Variants in ATP2B2 observed in about 807,000 individuals in gnomAD.
ATP2B2 encodes ATPase plasma membrane Ca2+ transporting 2.
A neutral mutation model predicts 120.0 loss-of-function variants in ATP2B2; 15 were observed. That is an observed-to-expected ratio of 0.12 (90% CI 0.08 to 0.19). ATP2B2 has a LOEUF of 0.19. ATP2B2 is among the 10% of genes least tolerant of loss of function. The probability of loss-of-function intolerance (pLI) is 1.00; values close to 1 mark genes in which losing one functional copy is unlikely to be tolerated. For missense variants in ATP2B2, 1,045 were observed against 1,719.8 expected, an observed-to-expected ratio of 0.61 and a Z score of 6.94; for synonymous variants, 694 against 700.3, an observed-to-expected ratio of 0.99 and a Z score of 0.14.
intron 2 of ATP2B2, among the ~76,000 whole-genome samples, chr3:10,564,079 G>A (rs2067958384): frequency 6.6e-6 from 1 of 152,164 alleles, no homozygotes; most frequent in African/African-American, 2.4e-5. Flanking sequence ...AAACTTCAGG[G>A]TACAACCAGA....
chr3:10,439,860 A>T (rs922935255), intron 2 of ATP2B2, among the ~76,000 whole-genome samples: 6 of 151,628 alleles, frequency 4.0e-5, no homozygotes, highest in African/African-American at 1.2e-4. Flanking sequence ...GGTTCAAGTG[A>T]TTCTTGTGCC....
chr3:10,563,506 T>C (rs997488897), intron 2 of ATP2B2, among the ~76,000 whole-genome samples: 5 of 152,238 alleles, frequency 3.3e-5, no homozygotes, highest in Non-Finnish European at 5.9e-5. Context: ...TGGTTTGGGG[T>C]TGACGTGTAA....
At chr3:10,601,100 C>T (rs562587476) in intron 2 of ATP2B2, among the ~76,000 whole-genome samples, 1 of 152,300 alleles carries the variant, frequency 6.6e-6, no homozygotes, top group East Asian at 1.9e-4. Context: ...GCCTTGCGGG[C>T]TTGCCCTGCT....
chr3:10,507,247 C>T (rs1015690372), upstream of ATP2B2, among the ~76,000 whole-genome samples: 2 of 152,178 alleles, frequency 1.3e-5, no homozygotes, highest in African/African-American at 4.8e-5. Flanking sequence ...GCTCTCGACC[C>T]CACACCAATA....
At chr3:10,657,249 A>C (rs2070656281) in intron 1 of ATP2B2, among the ~76,000 whole-genome samples, 1 of 152,194 alleles carries the variant, frequency 6.6e-6, no homozygotes, top group Non-Finnish European at 1.5e-5. Flanking sequence ...AGTGCCTTTT[A>C]CACCCCTGTG....
Position 10,325,690 on chromosome 3 carries a change from G to A in ATP2B2, c.*3124C>T, listed in dbSNP as rs2059846147. On this transcript the variant is annotated 3_prime_UTR_variant, in exon 23 of 23. Transcript: ENST00000360273. Reference sequence around the variant, plus strand: ...GGAGGCTGCTCCTGAGTTAAAGAAAGCTCCGCCTGAGTTGCAAGAAGGAAA... The same window carrying A: ...GGAGGCTGCTCCTGAGTTAAAGAAAACTCCGCCTGAGTTGCAAGAAGGAAA... The A allele has an allele frequency of 6.6e-6, 1 of 152,212 alleles. No homozygotes were observed. The highest frequency in any genetic ancestry group is 2.4e-5 in the African/African-American group (1 of 41,450). The allele number at this position is 152,212 out of a possible 1,614,324, so 9.4% of individuals were successfully genotyped here.
In ATP2B2 at chr3:10,590,631, A is replaced by C. The variant is rs572735267; in HGVS notation, c.-415+29286T>G. Among the ~76,000 whole-genome samples the C allele has an allele frequency of 1.6e-4, 25 of 152,312 alleles. 1 individual carries two copies. In the South Asian group the frequency reaches 5.2e-3, roughly 32 times the overall value. ...CTTGGATTCACTCTGCGTCGTTCTT[A>C]GTGGAAGACTGCTCTCAGTGGCCAC... On this transcript the variant is annotated intron_variant, in intron 2 of 21. Coordinates refer to the ATP2B2 transcript ENST00000646379.
At chr3:10,668,868 G>A (rs1431043315) in intron 1 of ATP2B2, among the ~76,000 whole-genome samples, 1 of 152,178 alleles carries the variant, frequency 6.6e-6, no homozygotes, top group Non-Finnish European at 1.5e-5. Context: ...GCATACAGTA[G>A]GCAGCACACA....
chr3:10,417,743 T>C (rs2062837999), intron 2 of ATP2B2, among the ~76,000 whole-genome samples: 1 of 152,168 alleles, frequency 6.6e-6, no homozygotes, highest in Admixed American at 6.5e-5. Context: ...AAGGATCGCC[T>C]GGCAGAAGTG....
intron 2 of ATP2B2, among the ~76,000 whole-genome samples, chr3:10,543,620 TTTGTTA>T: frequency 1.3e-5 from 2 of 152,330 alleles, no homozygotes; most frequent in Middle Eastern, 6.8e-3. Context: ...CCACAATAGA[TTTGTTA>T]TTGTTGTTTT....
intron 1 of ATP2B2, among the ~76,000 whole-genome samples, chr3:10,642,581 G>A (rs2070202806): frequency 6.6e-6 from 1 of 151,854 alleles, no homozygotes; most frequent in Non-Finnish European, 1.5e-5. Context: ...TCAGAGCTCT[G>A]TGCTCACATA....
intron 1 of ATP2B2, among the ~76,000 whole-genome samples, chr3:10,629,684 C>T (rs535053554): frequency 2.0e-5 from 3 of 152,322 alleles, no homozygotes; most frequent in South Asian, 4.1e-4. Flanking sequence ...AGTCCAGCTC[C>T]ACTGCCCAAG....
chr3:10,389,304 A>G (rs2061776026), intron 5 of ATP2B2, among the ~76,000 whole-genome samples: 1 of 152,226 alleles, frequency 6.6e-6, no homozygotes, highest in Non-Finnish European at 1.5e-5. Context: ...CAGCCTCTCC[A>G]CCATGCAGGC....
chr3:10,487,451 T>C lies in ATP2B2; in HGVS notation c.-320+18014A>G, dbSNP rs551168449. Reference sequence around the variant, plus strand: ...CTTACCTTAGGATCTCCACTGAGGCTGTGGGAAGTCAAGGTCACTGGCAAG... The same window carrying C: ...CTTACCTTAGGATCTCCACTGAGGCCGTGGGAAGTCAAGGTCACTGGCAAG... On this transcript the variant is annotated intron_variant, in intron 1 of 22. Coordinates refer to ENST00000360273, the MANE Select transcript of ATP2B2 (RefSeq NM_001001331.4). Among the ~76,000 whole-genome samples, 8 of 152,330 alleles carry C rather than the reference T, an allele frequency of 5.3e-5. 1 individual carries two copies. In the South Asian group the frequency reaches 1.7e-3, roughly 32 times the overall value.
chr3:10,698,462 C>G (rs1483335527), intron 1 of ATP2B2, among the ~76,000 whole-genome samples: 2 of 152,170 alleles, frequency 1.3e-5, no homozygotes, highest in Non-Finnish European at 2.9e-5. Context: ...TCAGCTGAGT[C>G]AGGAAATCCA....
intron 1 of ATP2B2, among the ~76,000 whole-genome samples, chr3:10,456,716 G>C (rs188519641): frequency 6.6e-6 from 1 of 152,224 alleles, no homozygotes; most frequent in Admixed American, 6.5e-5. Flanking sequence ...CAGGTGGCTG[G>C]GGAGGCCTCC....
At chr3:10,398,164 T>C (rs562299857) in intron 5 of ATP2B2, among the ~76,000 whole-genome samples, 3 of 152,296 alleles carry the variant, frequency 2.0e-5, no homozygotes, top group South Asian at 4.1e-4. Flanking sequence ...GGGAACACTT[T>C]GCACATTGCA....
At chr3:10,593,485 T>C (rs2068691915) in intron 2 of ATP2B2, among the ~76,000 whole-genome samples, 1 of 152,220 alleles carries the variant, frequency 6.6e-6, no homozygotes, top group Non-Finnish European at 1.5e-5. Flanking sequence ...ACTTAACAAA[T>C]GGTGCTGGGA....
chr3:10,679,092 A>T (rs912264025), intron 1 of ATP2B2, among the ~76,000 whole-genome samples: 1 of 152,080 alleles, frequency 6.6e-6, no homozygotes, highest in Non-Finnish European at 1.5e-5. Context: ...CTGCAAGGAA[A>T]TGAATTTTGC....
Sources: gnomAD v4.1 joint callset for allele counts (sites outside exome capture counted in the v4.1 genomes callset) on GRCh38, gnomAD v4.1.1 for gene constraint, MANE v1.5 for transcripts, NCBI Gene and HGNC (gene_info 2026-07-23, HGNC 2026-07-21) for gene names.